NKAIN3: variants seen among roughly 807,000 people sequenced by gnomAD.
The protein encoded by NKAIN3 is sodium/potassium-transporting ATPase subunit beta-1-interacting protein 3.
NKAIN3 carries 25 observed loss-of-function variants against 30.2 expected under a neutral mutation model. The ratio of observed to expected loss-of-function variants is 0.83; its 90% CI spans 0.60 to 1.16. NKAIN3 has a LOEUF of 1.16. Ranked by LOEUF, NKAIN3 falls within the 50% of genes most tolerant of loss-of-function variation. The probability of loss-of-function intolerance (pLI) is 0.00; values close to 1 mark genes in which losing one functional copy is unlikely to be tolerated. For missense variants in NKAIN3, 225 were observed against 254.1 expected (o/e 0.89, Z 0.78); for synonymous variants, 91 against 89.6 (o/e 1.02, Z -0.09).
At chr8:62,352,094 T>C (rs891992134) in intron 1 of NKAIN3, among the ~76,000 whole-genome samples, 4 of 152,100 alleles carry the variant, frequency 2.6e-5, no homozygotes, top group African/African-American at 9.7e-5. Flanking sequence ...CAGCTACAAA[T>C]TGGAGAGAGG....
In NKAIN3 at chr8:62,982,098, G is replaced by C. The variant is rs776083730; in HGVS notation, c.*16691G>C. 2.0e-5 allele frequency: 3 copies of C among 152,140 alleles called. No homozygotes were observed. Among genetic ancestry groups the C allele is most frequent in the Non-Finnish European group, 4.4e-5 (3 of 68,020 alleles). 9.4% of individuals were successfully genotyped at this position (152,140 alleles called of 1,614,324 possible). On this transcript the variant is annotated 3_prime_UTR_variant, in exon 7 of 7. Transcript: ENST00000623646. ...TAAAAATCTAAACTACAGTTTTATG[G>C]GGATAGTTAAGGTAAGAGCCTGCAG...
intron 4 of NKAIN3, among the ~76,000 whole-genome samples, chr8:62,807,667 C>T (rs1818342986): frequency 6.6e-6 from 1 of 150,696 alleles, no homozygotes; most frequent in Non-Finnish European, 1.5e-5. Context: ...ATTCTCCTGC[C>T]TCAGCCTCCC....
intron 1 of NKAIN3, among the ~76,000 whole-genome samples, chr8:62,274,304 T>A (rs1812866151): frequency 6.6e-6 from 1 of 152,202 alleles, no homozygotes; most frequent in African/African-American, 2.4e-5. Context: ...GAAGTCTTTT[T>A]TGTTACTGCC....
At chr8:62,950,690 A>C (rs1823259426) in intron 5 of NKAIN3, among the ~76,000 whole-genome samples, 1 of 152,246 alleles carries the variant, frequency 6.6e-6, no homozygotes, top group Non-Finnish European at 1.5e-5. Flanking sequence ...AACACATAGA[A>C]GGTGTGGCTG....
chr8:62,299,299 A>T (rs1053809398), intron 1 of NKAIN3, among the ~76,000 whole-genome samples: 1 of 152,022 alleles, frequency 6.6e-6, no homozygotes, highest in Non-Finnish European at 1.5e-5. Context: ...GTTTCAGTGG[A>T]GCAGTGGATT....
chr8:62,563,644 A>T (rs960625199), intron 1 of NKAIN3, among the ~76,000 whole-genome samples: 1 of 152,120 alleles, frequency 6.6e-6, no homozygotes, highest in African/African-American at 2.4e-5. Context: ...CATAGCTTGA[A>T]ACTCTTTATA....
Position 62,799,860 on chromosome 8 carries a change from C to G in NKAIN3, c.471+52731C>G, listed in dbSNP as rs1157202700. Among the ~76,000 whole-genome samples, 4 of 152,074 alleles carry G rather than the reference C, an allele frequency of 2.6e-5. No individual in the cohort carries two copies. The East Asian group carries it at 7.7e-4, about 29-fold the overall frequency. ...TGTGGCATATATATAGTATGCAATACTAGTCAGCCATAAAAAGGAACAAAA... is the reference window on the plus strand; with the variant it reads ...TGTGGCATATATATAGTATGCAATAGTAGTCAGCCATAAAAAGGAACAAAA... On this transcript the variant is annotated intron_variant, in intron 4 of 6. Coordinates refer to ENST00000623646, the MANE Select transcript of NKAIN3 (RefSeq NM_001304533.3).
chr8:62,865,536 G>A (rs1237904868), intron 4 of NKAIN3, among the ~76,000 whole-genome samples: 2 of 152,176 alleles, frequency 1.3e-5, no homozygotes, highest in Admixed American at 1.3e-4. Flanking sequence ...TTTTCTTCTG[G>A]AAACAATAAC....
At chr8:62,836,489 T>A in intron 4 of NKAIN3, among the ~76,000 whole-genome samples, 1 of 152,160 alleles carries the variant, frequency 6.6e-6, no homozygotes, top group Non-Finnish European at 1.5e-5. Context: ...AATATAATAG[T>A]ACATTTCATC....
intron 1 of NKAIN3, among the ~76,000 whole-genome samples, chr8:62,493,236 G>T (rs976430761): frequency 2.6e-5 from 4 of 151,944 alleles, no homozygotes; most frequent in Non-Finnish European, 4.4e-5. Context: ...TCAATCTTCT[G>T]CACATGGCTA....
chr8:62,289,618 T>G (rs556927125), intron 1 of NKAIN3, among the ~76,000 whole-genome samples: 1 of 152,078 alleles, frequency 6.6e-6, no homozygotes, highest in Non-Finnish European at 1.5e-5. Flanking sequence ...GTTTTGGTAC[T>G]GGTACCATGC....
intron 1 of NKAIN3, among the ~76,000 whole-genome samples, chr8:62,365,735 C>A (rs183557713): frequency 5.3e-5 from 8 of 151,768 alleles, no homozygotes; most frequent in African/African-American, 1.9e-4. Flanking sequence ...ACATAGACTG[C>A]ATATTGCACT....
In NKAIN3 at chr8:62,344,809, G is replaced by T. The variant is rs1435999391; in HGVS notation, c.54+95682G>T. On this transcript the variant is annotated intron_variant, in intron 1 of 6. Transcript: ENST00000623646. ...TTTAGAGTCTTTTGTAGTTCCATAT[G>T]AATTTTAAATTTTTTTCTTTCTGTG... The T allele has an allele frequency of 1.4e-5, 6 of 426,382 alleles. No individual in the cohort carries two copies. The East Asian group carries it at 3.6e-4, about 26-fold the overall frequency. The allele number at this position is 426,382 out of a possible 1,614,324, so 26.4% of individuals were successfully genotyped here.
chr8:62,905,050 A>G (rs1456324471), intron 4 of NKAIN3, among the ~76,000 whole-genome samples: 2 of 152,192 alleles, frequency 1.3e-5, no homozygotes, highest in African/African-American at 2.4e-5. Flanking sequence ...CTGTGATACA[A>G]AGCAGTACCT....
intron 4 of NKAIN3, among the ~76,000 whole-genome samples, chr8:62,873,497 G>A (rs552614513): frequency 2.0e-5 from 3 of 147,126 alleles, no homozygotes; most frequent in East Asian, 2.0e-4. Flanking sequence ...TCTAGTAGAC[G>A]TCTGCAGAAT....
chr8:62,738,403 C>G (rs1220180730), intron 3 of NKAIN3, among the ~76,000 whole-genome samples: 1 of 151,976 alleles, frequency 6.6e-6, no homozygotes, highest in East Asian at 1.9e-4. Flanking sequence ...AGTTCAAGAC[C>G]AGACTGGCCA....
chr8:62,650,777 T>C (rs1327460169), intron 3 of NKAIN3, among the ~76,000 whole-genome samples: 4 of 152,176 alleles, frequency 2.6e-5, no homozygotes, highest in Non-Finnish European at 5.9e-5. Context: ...GCTATTCTCA[T>C]TATTTTATTG....
chr8:62,966,219 C>T lies in NKAIN3; in HGVS notation c.*812C>T, dbSNP rs774145791. The T allele has an allele frequency of 1.0e-6, 1 of 985,014 alleles. No individual in the cohort carries two copies. The highest frequency in any genetic ancestry group is 1.2e-6 in the Non-Finnish European group (1 of 829,634). 61.0% of individuals were successfully genotyped at this position (985,014 alleles called of 1,614,324 possible). ...TGGGACAGAAATCACAAACATAGAC[C>T]TGCAGTCAGGAACTTTTCTCTTAGG... is the stretch of plus-strand genomic sequence containing the variant. On this transcript the variant is annotated 3_prime_UTR_variant, in exon 7 of 7. Coordinates refer to ENST00000623646, the MANE Select transcript of NKAIN3 (RefSeq NM_001304533.3).
chr8:62,335,032 A>C (rs190119851), intron 1 of NKAIN3, among the ~76,000 whole-genome samples: 1 of 152,086 alleles, frequency 6.6e-6, no homozygotes, highest in Non-Finnish European at 1.5e-5. Flanking sequence ...ACTGTTTGTC[A>C]TTATAGTCAG....
Sources: allele counts gnomAD v4.1 joint callset (sites outside exome capture counted in the v4.1 genomes callset), GRCh38; gene constraint gnomAD v4.1.1; transcripts MANE v1.5; gene names NCBI Gene and HGNC (gene_info 2026-07-23, HGNC 2026-07-21).